The following CLEC20A variants were observed in gnomAD, a reference collection of about 807,000 sequenced individuals.
The protein encoded by CLEC20A is putative C-type lectin domain family 20 member A.
intron 5 of CLEC20A, among the ~76,000 whole-genome samples, chr1:178,484,857 C>G (rs1050778397): frequency 2.0e-5 from 3 of 152,216 alleles, no homozygotes; most frequent in Non-Finnish European, 4.4e-5. Context: ...CTTCCCACTC[C>G]AGTGCTCCAG....
At chr1:178,484,656 T>A (rs573883489) in intron 5 of CLEC20A, 1 of 152,334 alleles carries the variant, frequency 6.6e-6, no homozygotes, top group Admixed American at 6.5e-5. Context: ...CTCTCCAGCC[T>A]GGGCAACAGA....
intron 7 of CLEC20A, chr1:178,481,674 T>C (rs897954837): frequency 1.3e-5 from 2 of 152,140 alleles, no homozygotes; most frequent in African/African-American, 4.8e-5. Context: ...TAATAATAGC[T>C]GGCCAGGCGT....
chr1:178,482,066 AAAAAAAAC>A (rs538458656), intron 7 of CLEC20A: 428 of 329,290 alleles, frequency 1.3e-3, no homozygotes, highest in East Asian at 5.0e-3. Flanking sequence ...GTCTTGACCA[AAAAAAAAC>A]AAAAAAACAA....
chr1:178,486,471 G>A (rs1048605582), intron 5 of CLEC20A: 1 of 398,716 alleles, frequency 2.5e-6, no homozygotes, highest in Admixed American at 4.4e-5. Context: ...CTGCCTCTGG[G>A]CGGGTGTCTT....
At chr1:178,488,766 A>C (rs1360190230) in intron 4 of CLEC20A, among the ~76,000 whole-genome samples, 167 bp from the exon 5 acceptor site, 2 of 152,238 alleles carry the variant, frequency 1.3e-5, no homozygotes, top group Non-Finnish European at 2.9e-5. Context: ...CAGGAGACAC[A>C]TTCACCATCT....
chr1:178,489,285 C>T (rs1463753304), intron 4 of CLEC20A, among the ~76,000 whole-genome samples: 1 of 152,036 alleles, frequency 6.6e-6, no homozygotes, highest in East Asian at 1.9e-4. Flanking sequence ...ATTGCTTGAA[C>T]CCAGGAGGTG....
chr1:178,493,684 T>C (rs924753742), intron 2 of CLEC20A: 1 of 152,230 alleles, frequency 6.6e-6, no homozygotes, highest in African/African-American at 2.4e-5. Flanking sequence ...CACTGCCCAC[T>C]TAGCGGGAAG....
upstream of CLEC20A, among the ~76,000 whole-genome samples, chr1:178,497,514 G>A (rs1342807995): frequency 1.3e-5 from 2 of 152,170 alleles, no homozygotes; most frequent in East Asian, 1.9e-4. Flanking sequence ...GAAGAATCCA[G>A]ACCCACAGGC....
At chr1:178,491,996 A>C (rs899654682) in intron 3 of CLEC20A, among the ~76,000 whole-genome samples, 7 of 152,078 alleles carry the variant, frequency 4.6e-5, no homozygotes, top group African/African-American at 1.7e-4. Context: ...AGAATAATAA[A>C]GACAATGGCC....
chr1:178,494,060 T>TTC (rs914836485), intron 2 of CLEC20A, among the ~76,000 whole-genome samples: 122 of 152,288 alleles, frequency 8.0e-4, no homozygotes, highest in African/African-American at 2.9e-3. Flanking sequence ...GAAAGGGTGC[T>TTC]TCTCTCTCTG....
At chr1:178,492,662 G>A (rs575951395) in intron 2 of CLEC20A, 96 bp from the exon 3 acceptor site, 5 of 398,140 alleles carry the variant, frequency 1.3e-5, no homozygotes, top group Non-Finnish European at 2.2e-5. Flanking sequence ...TAGCTCAGGG[G>A]CAGACAGGCT....
intron 2 of CLEC20A, chr1:178,493,401 AG>A (rs1348286790): frequency 6.6e-6 from 1 of 152,300 alleles, no homozygotes; most frequent in African/African-American, 2.4e-5. Flanking sequence ...CCTATTTGAG[AG>A]GTGAGGATGG....
At chr1:178,498,028 C>T (rs899866096), upstream of CLEC20A, among the ~76,000 whole-genome samples, 1 of 152,106 alleles carries the variant, frequency 6.6e-6, no homozygotes, top group Non-Finnish European at 1.5e-5. Context: ...ACCCCCTACC[C>T]CTCCTCACAG....
chr1:178,492,741 T>G (rs993099634), intron 2 of CLEC20A, among the ~76,000 whole-genome samples, 175 bp from the exon 3 acceptor site: 1 of 152,172 alleles, frequency 6.6e-6, no homozygotes, highest in Non-Finnish European at 1.5e-5. Flanking sequence ...TCGCAGATGC[T>G]ATTCTACACC....
chr1:178,486,371 T>C, intron 5 of CLEC20A: 1 of 398,444 alleles, frequency 2.5e-6, no homozygotes, highest in East Asian at 3.6e-5. Flanking sequence ...AGAGAGGAAC[T>C]CCCCAAGATG....
At chr1:178,483,110 A>G in intron 6 of CLEC20A, 65 bp downstream of exon 6, 1 of 398,140 alleles carries the variant, frequency 2.5e-6, no homozygotes, top group Admixed American at 4.4e-5. Flanking sequence ...TGTGCCAAGG[A>G]GTGACTGTCC....
intron 3 of CLEC20A, 88 bp downstream of exon 3, chr1:178,492,413 T>A (rs1422942160): frequency 2.5e-6 from 1 of 397,002 alleles, no homozygotes; most frequent in African/African-American, 2.1e-5. Flanking sequence ...GACGCGGGGG[T>A]GGAGATCCTG....
chr1:178,496,216 C>CG (rs1359355580), intron 1 of CLEC20A: 3 of 152,644 alleles, frequency 2.0e-5, no homozygotes, highest in Admixed American at 2.0e-4. Flanking sequence ...CAGCCCTACC[C>CG]GGGAGCCTCT....
chr1:178,496,762 G>A (rs1337276279), intron 1 of CLEC20A, 138 bp downstream of exon 1: 2 of 398,018 alleles, frequency 5.0e-6, no homozygotes, highest in Non-Finnish European at 8.8e-6. Context: ...TCTGAGGGTT[G>A]AAAAGCATTC....
Sources: allele counts gnomAD v4.1 joint callset (sites outside exome capture counted in the v4.1 genomes callset), GRCh38; gene constraint gnomAD v4.1.1; transcripts MANE v1.5; gene names NCBI Gene and HGNC (gene_info 2026-07-23, HGNC 2026-07-21).